PARD3: variants seen among roughly 807,000 people sequenced by gnomAD.
PARD3 encodes par-3 family cell polarity regulator, also known as partitioning defective 3 homolog.
In PARD3, 75 loss-of-function variants were observed where a neutral mutation model predicts 155.4. That is an observed-to-expected ratio of 0.48 (90% confidence interval 0.40 to 0.58). PARD3 has a LOEUF of 0.58. PARD3 is among the 20% of genes least tolerant of loss of function. The pLI is 0.00. For synonymous variants in PARD3, 576 were observed against 610.5 expected (o/e 0.94, Z 0.83); for missense variants, 1,642 against 1,721.7 (o/e 0.95, Z 0.82).
Position 34,788,159 on chromosome 10 carries a change from A to G in PARD3, c.120+26717T>C, listed in dbSNP as rs549544770. ...TACAAGACCACGTGGACAGATAGGA[A>G]GTTATCTAGACATCAGGAAACTTTT... is the stretch of plus-strand genomic sequence containing the variant. On this transcript the variant is annotated intron_variant, in intron 1 of 24. Transcript: ENST00000374788. Among the ~76,000 whole-genome samples, 3 of 152,286 alleles carry G rather than the reference A, an allele frequency of 2.0e-5. No homozygotes were observed. The South Asian group carries it at 6.2e-4, about 32-fold the overall frequency.
chr10:34,502,446 C>T (rs976224044), intron 3 of PARD3, among the ~76,000 whole-genome samples: 3 of 142,748 alleles, frequency 2.1e-5, no homozygotes, highest in Non-Finnish European at 4.7e-5. Flanking sequence ...GCACTGCCAA[C>T]CCTGGATTTC....
chr10:34,195,439 C>CAT (rs397743643), intron 22 of PARD3, among the ~76,000 whole-genome samples: 2 of 152,116 alleles, frequency 1.3e-5, no homozygotes, highest in African/African-American at 4.8e-5. Flanking sequence ...CACACACACA[C>CAT]GTACTAAAAC....
At chr10:34,362,393 C>T (rs768609608) in intron 12 of PARD3, among the ~76,000 whole-genome samples, 1 of 152,182 alleles carries the variant, frequency 6.6e-6, no homozygotes, top group Non-Finnish European at 1.5e-5. Context: ...TCAAATATAT[C>T]AAATACTTTG....
At chr10:34,490,813 T>C (rs2079850562) in intron 3 of PARD3, among the ~76,000 whole-genome samples, 1 of 152,206 alleles carries the variant, frequency 6.6e-6, no homozygotes, top group African/African-American at 2.4e-5. Flanking sequence ...ATATATGTGG[T>C]TCTAACACTT....
At chr10:34,580,466 T>G (rs1381226962) in intron 2 of PARD3, among the ~76,000 whole-genome samples, 3 of 152,132 alleles carry the variant, frequency 2.0e-5, no homozygotes, top group African/African-American at 7.2e-5. Context: ...GCCTAAGAAG[T>G]CCAGGTTGCA....
intron 3 of PARD3, among the ~76,000 whole-genome samples, chr10:34,497,705 T>G (rs2080388913): frequency 6.6e-6 from 1 of 152,210 alleles, no homozygotes; most frequent in South Asian, 2.1e-4. Flanking sequence ...CCTAAAATGC[T>G]GTTCCTCACA....
intron 14 of PARD3, among the ~76,000 whole-genome samples, chr10:34,351,380 T>C (rs965766193): frequency 3.3e-5 from 5 of 152,192 alleles, no homozygotes; most frequent in Admixed American, 1.3e-4. Context: ...CACTACATTA[T>C]GTGGAAATAG....
chr10:34,290,156 T>C (rs1321418874), intron 20 of PARD3, among the ~76,000 whole-genome samples: 1 of 152,184 alleles, frequency 6.6e-6, no homozygotes, highest in African/African-American at 2.4e-5. Context: ...GGAATAATAA[T>C]GCATAGCATC....
chr10:34,353,287 T>A (rs911361377), intron 14 of PARD3, among the ~76,000 whole-genome samples: 3 of 152,124 alleles, frequency 2.0e-5, no homozygotes, highest in Non-Finnish European at 2.9e-5. Flanking sequence ...GGGGGAAATG[T>A]GGGGAAAAGA....
Position 34,382,580 on chromosome 10 carries a change from G to C in PARD3, c.1359C>G (p.Thr453=). Reference sequence around the variant, plus strand: ...TATTAAGCCTCTTGCCTATTTTTTTGGTGTTATAACCACTGCTTACAGTCG... The same window carrying C: ...TATTAAGCCTCTTGCCTATTTTTTTCGTGTTATAACCACTGCTTACAGTCG... ...FSTTVSSGYN[T]KKIGKRLNIQ... The change falls in exon 9 of 25, where the codon ACC becomes ACG. Residue 453 remains threonine, a synonymous_variant. Transcript: ENST00000374788. 1 of 1,609,780 alleles carries C rather than the reference G, an allele frequency of 6.2e-7. No homozygotes were observed. The highest frequency in any genetic ancestry group is 8.5e-7 in the Non-Finnish European group (1 of 1,178,786).
chr10:34,310,056 A>G (rs7088862), intron 20 of PARD3, among the ~76,000 whole-genome samples: 14,382 of 152,082 alleles, frequency 0.095, 2,089 homozygotes, highest in African/African-American at 0.31. Flanking sequence ...TAGGAAAGAG[A>G]TCCCCCAGTG....
rs778247537 is a variant in PARD3 at position 34,378,053 on chromosome 10, A to G, written c.1453T>C (p.Ser485Pro). ...ITSRDVTIGG[S>P]APIYVKNILP... The stretch of plus-strand genomic sequence containing the variant: ...ATGTTTTTCACATAGATTGGAGCTG[A>G]GCCACCTATTGTTACATCTCTGGAA... The change falls in exon 10 of 25, where the codon TCA (serine) becomes CCA (proline). Residue 485 changes from serine (S) to proline (P), a missense_variant. By Grantham distance (74) the Ser-to-Pro change is moderately conservative (BLOSUM62 -1). Coordinates refer to ENST00000374788, the MANE Select transcript of PARD3 (RefSeq NM_001184785.2). 6.3e-6 allele frequency: 10 copies of G among 1,597,452 alleles called. No individual in the cohort carries two copies. The highest frequency in any genetic ancestry group is 8.5e-6 in the Non-Finnish European group (10 of 1,173,288).
At chr10:34,534,141 C>T (rs1471596942) in intron 2 of PARD3, among the ~76,000 whole-genome samples, 1 of 151,762 alleles carries the variant, frequency 6.6e-6, no homozygotes, top group East Asian at 2.0e-4. Flanking sequence ...TGGCGGGCGC[C>T]TGTAGTCCCA....
intron 1 of PARD3, among the ~76,000 whole-genome samples, chr10:34,755,246 T>TAAA (rs376176701): frequency 7.4e-6 from 1 of 135,698 alleles, no homozygotes; most frequent in Admixed American, 7.5e-5. Context: ...TACTAAAAAT[T>TAAA]AAAAAAAAAA....
chr10:34,424,784 G>A (rs1002585126), intron 5 of PARD3, among the ~76,000 whole-genome samples: 1 of 152,022 alleles, frequency 6.6e-6, no homozygotes, highest in African/African-American at 2.4e-5. Flanking sequence ...TAAAGTGCTG[G>A]GATTACAGGG....
chr10:34,727,351 T>A (rs2094732787), intron 1 of PARD3, among the ~76,000 whole-genome samples: 1 of 152,206 alleles, frequency 6.6e-6, no homozygotes, highest in African/African-American at 2.4e-5. Flanking sequence ...TTATGCAGCA[T>A]CTTCTCAATT....
chr10:34,629,989 A>G (rs1182360011), intron 2 of PARD3, among the ~76,000 whole-genome samples: 1 of 152,152 alleles, frequency 6.6e-6, no homozygotes, highest in Non-Finnish European at 1.5e-5. Flanking sequence ...GCTGTCCCCA[A>G]CTGTGGTCAG....
intron 15 of PARD3, chr10:34,343,263 G>T: frequency 1.2e-6 from 1 of 839,626 alleles, no homozygotes; most frequent in Non-Finnish European, 1.4e-6. Context: ...TTTATTAAAA[G>T]AAAATATTAC....
intron 22 of PARD3, among the ~76,000 whole-genome samples, chr10:34,222,398 G>A (rs768466542): frequency 3.9e-5 from 6 of 152,156 alleles, no homozygotes; most frequent in African/African-American, 7.2e-5. Context: ...TGCAGAAAGC[G>A]GTCCCTCCTA....
Sources: gnomAD v4.1 joint callset for allele counts (sites outside exome capture counted in the v4.1 genomes callset) on GRCh38, gnomAD v4.1.1 for gene constraint, MANE v1.5 for transcripts, NCBI Gene and HGNC (gene_info 2026-07-23, HGNC 2026-07-21) for gene names.